The following SLC44A2 variants were observed in gnomAD, a reference collection of about 807,000 sequenced individuals.
SLC44A2 encodes the protein choline transporter-like protein 2.
SLC44A2 carries 57 observed loss-of-function variants against 90.8 expected under a neutral mutation model. That is an observed-to-expected ratio of 0.63 (90% CI 0.51 to 0.78). The LOEUF is 0.78. Ranked by LOEUF, SLC44A2 falls within the 30% of genes least tolerant of loss-of-function variation. SLC44A2 has a pLI of 0.00. For synonymous variants in SLC44A2, 355 were observed against 360.7 expected (o/e 0.98, Z 0.18); for missense variants, 794 against 919.7 (o/e 0.86, Z 1.77).
Position 10,636,707 on chromosome 19 carries a change from T to C in SLC44A2, c.1542T>C (p.Ile514=). 2 of 1,613,758 alleles carry C rather than the reference T, an allele frequency of 1.2e-6. No homozygotes were observed. The highest frequency in any genetic ancestry group is 8.5e-7 in the Non-Finnish European group (1 of 1,179,912). Residue 514 remains isoleucine (I), a synonymous_variant, in exon 16 of 22, where the codon ATT becomes ATC. Coordinates refer to ENST00000335757, the MANE Select transcript of SLC44A2 (RefSeq NM_020428.4). ...SLAFGALILA[I]VQIIRVILEY... ...CCTTTGGCGCGCTCATCCTGGCCAT[T>C]GTGCAGATCATCCGTGTGATACTCG...
chr19:10,625,938 C>T (rs1275731451), intron 1 of SLC44A2, among the ~76,000 whole-genome samples: 1 of 152,164 alleles, frequency 6.6e-6, no homozygotes, highest in Non-Finnish European at 1.5e-5. Context: ...TTCCCCCTAT[C>T]CCACCTCAGA....
Position 10,631,861 on chromosome 19 carries a change from C to A in SLC44A2, c.627-7C>A. ...GTCTGACCCGAGCCTTGTCCTCCTT[C>A]CCCCAGGAAAGCCAATGGAGTCCTA... is the stretch of plus-strand genomic sequence containing the variant. On this transcript the variant is annotated splice_region_variant and splice_polypyrimidine_tract_variant and intron_variant, in intron 8 of 21. Transcript: ENST00000335757. 1 of 1,614,240 alleles carries A rather than the reference C, an allele frequency of 6.2e-7. No homozygotes were observed. The highest frequency in any genetic ancestry group is 8.5e-7 in the Non-Finnish European group (1 of 1,180,026).
At chr19:10,611,432 A>G (rs1918301525) in intron 1 of SLC44A2, among the ~76,000 whole-genome samples, 1 of 152,098 alleles carries the variant, frequency 6.6e-6, no homozygotes, top group Admixed American at 6.6e-5. Flanking sequence ...AGCCTGGGCA[A>G]GAGAGTGAGA....
chr19:10,624,081 T>C (rs1392403323), upstream of SLC44A2, among the ~76,000 whole-genome samples: 1 of 151,956 alleles, frequency 6.6e-6, no homozygotes, highest in African/African-American at 2.4e-5. Context: ...CATTGCAACC[T>C]CCGCCTCTCG....
chr19:10,642,622 A>G (rs747702365), intron 21 of SLC44A2, among the ~76,000 whole-genome samples, 171 bp downstream of exon 21: 6 of 152,032 alleles, frequency 3.9e-5, no homozygotes, highest in Non-Finnish European at 8.8e-5. Context: ...TTTTGCGCTT[A>G]GAAGCAGCTC....
At position 10,637,867 on chromosome 19, in the gene SLC44A2, CG is replaced by C; in HGVS notation, c.1709del (p.Gly570AlafsTer16). The C allele has an allele frequency of 6.2e-7, 1 of 1,614,152 alleles. No individual in the cohort carries two copies. Among genetic ancestry groups the C allele is most frequent in the Non-Finnish European group, 8.5e-7 (1 of 1,180,022 alleles). ...RNAYIMIAIY[G>X]TNFCTSARNA... ...CCACTCTCCTCCAGATTGCCATCTA[CG>C]GCACCAATTTCTGCACCTCGGCCAG... On this transcript the variant is annotated frameshift_variant, in exon 18 of 22. Transcript: ENST00000335757. LOFTEE classifies it high-confidence loss of function.
intron 1 of SLC44A2, among the ~76,000 whole-genome samples, chr19:10,614,146 T>A (rs1377430716): frequency 2.0e-5 from 3 of 151,908 alleles, no homozygotes; most frequent in African/African-American, 7.3e-5. Flanking sequence ...TTTGTATTTT[T>A]AGTAGAGATG....
At position 10,643,554 on chromosome 19, in the gene SLC44A2, CCTT is replaced by C; in HGVS notation, c.*173_*175del. 2.7e-6 allele frequency: 2 copies of C among 744,532 alleles called. No homozygotes were observed. The highest frequency in any genetic ancestry group is 3.3e-5 in the Admixed American group (1 of 30,642). 46.1% of individuals were successfully genotyped at this position (744,532 alleles called of 1,614,324 possible). A position where few individuals can be genotyped will look rare whatever the true frequency, so the allele number is the denominator to read the frequency against. ...TGGACGTGGAGAGTCTGGGGCATCT[CCTT>C]CTTATGCCAAGGGGCGCTTGGAGTT... is the stretch of plus-strand genomic sequence containing the variant. On this transcript the variant is annotated 3_prime_UTR_variant, in exon 22 of 22. Transcript: ENST00000335757.
intron 9 of SLC44A2, 27 bp downstream of exon 9, chr19:10,631,978 C>G: frequency 6.2e-7 from 1 of 1,613,192 alleles, no homozygotes; most frequent in Non-Finnish European, 8.5e-7. Context: ...GGGGCCTCTC[C>G]CCTGGCTGCC....
chr19:10,635,979 A>C, intron 14 of SLC44A2: 1 of 289,616 alleles, frequency 3.5e-6, no homozygotes, highest in East Asian at 8.8e-5. Flanking sequence ...GGGTTTCACC[A>C]TGTTAGCCAG....
intron 4 of SLC44A2, among the ~76,000 whole-genome samples, chr19:10,628,908 G>A (rs568217394): frequency 6.6e-6 from 1 of 152,132 alleles, no homozygotes; most frequent in South Asian, 2.1e-4. Context: ...GCCAATACAT[G>A]TACAGAGCTT....
intron 1 of SLC44A2, among the ~76,000 whole-genome samples, chr19:10,606,865 ATATG>A (rs35957648): frequency 0.31 from 44,354 of 143,252 alleles, 7,581 homozygotes; most frequent in Non-Finnish European, 0.39. Flanking sequence ...ATACACATAT[ATATG>A]TATGTATGTA....
rs1038499243 is a variant in SLC44A2, at chr19:10,643,862, A to T, written c.*477A>T. ...CAAGGGCCACCAGAAGCATTTCTTT[A>T]TTATTATTATTTTTTAACCTGGACA... On this transcript the variant is annotated 3_prime_UTR_variant, in exon 22 of 22. Transcript: ENST00000335757. 1 of 153,126 alleles carries T rather than the reference A, an allele frequency of 6.5e-6. No individual in the cohort carries two copies. The highest frequency in any genetic ancestry group is 2.4e-5 in the African/African-American group (1 of 41,410). 9.5% of individuals were successfully genotyped at this position (153,126 alleles called of 1,614,324 possible).
intron 1 of SLC44A2, among the ~76,000 whole-genome samples, chr19:10,603,761 G>A (rs377215885): frequency 1.3e-5 from 2 of 152,336 alleles, no homozygotes; most frequent in South Asian, 2.1e-4. Context: ...GTGGCTGTGG[G>A]TGCTGTGTGT....
At chr19:10,614,828 G>A (rs965989014) in intron 1 of SLC44A2, among the ~76,000 whole-genome samples, 16 of 151,424 alleles carry the variant, frequency 1.1e-4, no homozygotes, top group South Asian at 8.3e-4. Context: ...AAAATTAGCC[G>A]GACATGGTGG....
chr19:10,631,680 GC>G lies in SLC44A2; in HGVS notation c.558del (p.Asn187MetfsTer29). ...GCCTACAAGGGTGTCCTGATGGTGG[GC>G]AATGAGACGACCTATGAGGATGGGC... ...IHAYKGVLMV[G>X]NETTYEDGHG... On this transcript the variant is annotated frameshift_variant, in exon 8 of 22. Transcript: ENST00000335757. LOFTEE classifies it high-confidence loss of function. 1.2e-6 allele frequency: 2 copies of G among 1,613,290 alleles called. No individual in the cohort carries two copies. The highest frequency in any genetic ancestry group is 1.7e-6 in the Non-Finnish European group (2 of 1,180,024).
chr19:10,638,124 G>C, intron 19 of SLC44A2, 31 bp downstream of exon 19: 1 of 1,613,818 alleles, frequency 6.2e-7, no homozygotes, highest in Non-Finnish European at 8.5e-7. Context: ...CTCTCGGGGT[G>C]TGGGAGCCTG....
At chr19:10,642,536 A>T in intron 21 of SLC44A2, 85 bp downstream of exon 21, 1 of 1,281,490 alleles carries the variant, frequency 7.8e-7, no homozygotes, top group Non-Finnish European at 1.1e-6. Context: ...ACGGGGCAAC[A>T]CGCTTGCCTG....
chr19:10,635,770 T>G, intron 14 of SLC44A2: 7 of 324,084 alleles, frequency 2.2e-5, no homozygotes, highest in East Asian at 6.7e-5. Context: ...TTTTCCCTAC[T>G]TCCTTTTTTT....
Sources: allele counts gnomAD v4.1 joint callset (sites outside exome capture counted in the v4.1 genomes callset), GRCh38; gene constraint gnomAD v4.1.1; transcripts MANE v1.5; gene names NCBI Gene and HGNC (gene_info 2026-07-23, HGNC 2026-07-21).